The following DSCAM variants were observed in gnomAD, a reference collection of about 807,000 sequenced individuals.
DSCAM encodes the protein DS cell adhesion molecule.
In DSCAM, 47 loss-of-function variants were observed where a neutral mutation model predicts 217.7. The ratio of observed to expected loss-of-function variants is 0.22; its 90% CI spans 0.17 to 0.28. The LOEUF (loss-of-function observed/expected upper bound fraction) is 0.28. DSCAM is among the 10% of genes least tolerant of loss of function. The pLI, the probability that DSCAM is intolerant of heterozygous loss-of-function variation, is 1.00. For missense variants in DSCAM, 2,080 were observed against 2,618.3 expected, an observed-to-expected ratio of 0.79 and a Z score of 4.49; for synonymous variants, 1,056 against 1,015.3, an observed-to-expected ratio of 1.04 and a Z score of -0.76.
At chr21:40,620,372 A>AAGAAAGAAAGAAAGAAAG (rs2089491489) in intron 3 of DSCAM, among the ~76,000 whole-genome samples, 1 of 97,648 alleles carries the variant, frequency 1.0e-5, no homozygotes. Flanking sequence ...AAGAAAAAGA[A>AAGAAAGAAAGAAAGAAAG]AGAAAGAAAG....
chr21:40,810,886 C>T (rs1041924599), intron 1 of DSCAM, among the ~76,000 whole-genome samples: 3 of 151,642 alleles, frequency 2.0e-5, no homozygotes, highest in Admixed American at 6.6e-5. Context: ...GCCTGGGGAA[C>T]AGAGCAAGAC....
At chr21:40,605,090 A>AT (rs2089214788) in intron 3 of DSCAM, among the ~76,000 whole-genome samples, 1 of 152,198 alleles carries the variant, frequency 6.6e-6, no homozygotes, top group African/African-American at 2.4e-5. Context: ...TCTGACCTTC[A>AT]TGTGAGAATC....
intron 3 of DSCAM, among the ~76,000 whole-genome samples, chr21:40,545,447 C>T (rs73364972): frequency 0.088 from 13,417 of 152,146 alleles, 1,228 homozygotes; most frequent in African/African-American, 0.23. Flanking sequence ...TCTTCCAGCA[C>T]GTTAAACAGC....
intron 9 of DSCAM, among the ~76,000 whole-genome samples, chr21:40,297,095 G>C (rs936511823): frequency 1.3e-5 from 2 of 152,054 alleles, no homozygotes; most frequent in Non-Finnish European, 2.9e-5. Context: ...GGGCCAAAGG[G>C]GGACTGTGGA....
intron 3 of DSCAM, among the ~76,000 whole-genome samples, chr21:40,434,182 C>A (rs1029038360): frequency 1.3e-5 from 2 of 152,188 alleles, no homozygotes; most frequent in Admixed American, 6.5e-5. Flanking sequence ...GGTGGCAGAG[C>A]ACACTTATTC....
intron 32 of DSCAM, among the ~76,000 whole-genome samples, chr21:40,037,952 C>T (rs1187644431): frequency 6.8e-6 from 1 of 146,436 alleles, no homozygotes; most frequent in Non-Finnish European, 1.5e-5. Flanking sequence ...GCTGGGAAAA[C>T]TGGCTAGCCA....
At chr21:40,535,339 G>A (rs1237682112) in intron 3 of DSCAM, among the ~76,000 whole-genome samples, 1 of 152,134 alleles carries the variant, frequency 6.6e-6, no homozygotes, top group Non-Finnish European at 1.5e-5. Flanking sequence ...CATAATGTCA[G>A]ACAAAAATGC....
At chr21:40,360,766 G>C (rs1434685977) in intron 4 of DSCAM, among the ~76,000 whole-genome samples, 1 of 152,120 alleles carries the variant, frequency 6.6e-6, no homozygotes, top group Non-Finnish European at 1.5e-5. Flanking sequence ...ATAGCCCAGC[G>C]ATGAACATAC....
At chr21:40,134,863 C>T (rs1327410467) in intron 18 of DSCAM, among the ~76,000 whole-genome samples, 1 of 152,112 alleles carries the variant, frequency 6.6e-6, no homozygotes, top group Non-Finnish European at 1.5e-5. Flanking sequence ...GCTCAGCCAA[C>T]CCCTCTTTTT....
chr21:40,159,776 T>C (rs775751256), intron 16 of DSCAM, among the ~76,000 whole-genome samples: 3 of 152,136 alleles, frequency 2.0e-5, no homozygotes, highest in Non-Finnish European at 2.9e-5. Flanking sequence ...AGAGATAGGG[T>C]TTCACCATGT....
chr21:40,142,747 T>C, intron 17 of DSCAM, 43 bp from the exon 18 acceptor site: 1 of 1,554,668 alleles, frequency 6.4e-7, no homozygotes, highest in Non-Finnish European at 8.7e-7. Context: ...GTGGGTGGTT[T>C]ATGAGCAAAG....
Position 40,550,203 on chromosome 21 carries a change from G to T in DSCAM, c.508+142607C>A, listed in dbSNP as rs574938093. 2.6e-4 allele frequency among the ~76,000 whole-genome samples: 39 copies of T among 152,208 alleles called. 1 individual carries two copies. Among genetic ancestry groups the T allele is most frequent in the African/African-American group, 8.2e-4 (34 of 41,524 alleles). On this transcript the variant is annotated intron_variant, in intron 3 of 32. Transcript: ENST00000400454. ...TCTCTGGGCCGTCCTGCCTCCCAGG[G>T]CTTTCTGCTGTTTAGCCATCTACTC...
chr21:40,361,970 T>C (rs2074771626), intron 4 of DSCAM, among the ~76,000 whole-genome samples: 1 of 152,200 alleles, frequency 6.6e-6, no homozygotes, highest in Non-Finnish European at 1.5e-5. Flanking sequence ...CCCCCTCCTG[T>C]GTCCATGTGT....
chr21:40,546,922 G>T (rs2076587882), intron 3 of DSCAM, among the ~76,000 whole-genome samples: 1 of 152,108 alleles, frequency 6.6e-6, no homozygotes, highest in Non-Finnish European at 1.5e-5. Flanking sequence ...GGCTGGGGTG[G>T]GAGCCTGGAG....
At position 40,347,701 on chromosome 21, in the gene DSCAM, G is replaced by A. The variant is rs78235750; in HGVS notation, c.1179C>T (p.Ser393=). The A allele has an allele frequency of 1.7e-5, 28 of 1,614,068 alleles. No individual in the cohort carries two copies. In the East Asian group the frequency reaches 1.8e-4, roughly 10 times the overall value. The part of the protein sequence containing the change: ...YQCFVRKDKL[S]AQDYVQVVLE... ...GGACCACCTGCACATAGTCTTGAGC[G>A]GACAGCTTGTCCTTGCGCACAAAGC... The change falls in exon 6 of 33, where the codon TCC becomes TCT. Residue 393 remains serine, a synonymous_variant. Coordinates refer to ENST00000400454, the MANE Select transcript of DSCAM (RefSeq NM_001389.5).
At chr21:40,601,801 G>A (rs1035082521) in intron 3 of DSCAM, among the ~76,000 whole-genome samples, 5 of 152,028 alleles carry the variant, frequency 3.3e-5, no homozygotes, top group African/African-American at 7.3e-5. Context: ...ATTATAATGC[G>A]ATAGGTTACA....
At chr21:40,838,017 TG>T (rs2092070535) in intron 1 of DSCAM, among the ~76,000 whole-genome samples, 2 of 152,238 alleles carry the variant, frequency 1.3e-5, no homozygotes, top group South Asian at 2.1e-4. Flanking sequence ...CGGGGCTAAC[TG>T]TGAAAAGAAT....
intron 8 of DSCAM, among the ~76,000 whole-genome samples, chr21:40,320,724 CT>C (rs1569061802): frequency 6.6e-6 from 1 of 152,160 alleles, no homozygotes; most frequent in Non-Finnish European, 1.5e-5. Context: ...GCGGAAATCC[CT>C]GATAAAACCA....
chr21:40,429,068 T>C (rs1224639683), intron 3 of DSCAM, among the ~76,000 whole-genome samples: 2 of 152,122 alleles, frequency 1.3e-5, no homozygotes, highest in Non-Finnish European at 2.9e-5. Context: ...CAACAAGACA[T>C]AATCTTTGCT....
Sources: allele counts gnomAD v4.1 joint callset (sites outside exome capture counted in the v4.1 genomes callset), GRCh38; gene constraint gnomAD v4.1.1; transcripts MANE v1.5; gene names NCBI Gene and HGNC (gene_info 2026-07-23, HGNC 2026-07-21).